Variants in HLCS observed in about 807,000 individuals in gnomAD.
The protein encoded by HLCS is biotin--protein ligase.
Under a neutral mutation model 75.0 loss-of-function variants are expected in HLCS, and 53 were observed. The ratio of observed to expected loss-of-function variants is 0.71; its 90% confidence interval spans 0.57 to 0.89. The LOEUF (loss-of-function observed/expected upper bound fraction) is 0.89, where lower values mean the gene tolerates loss of function less well. Ranked by LOEUF, HLCS falls within the 40% of genes least tolerant of loss-of-function variation. The probability of loss-of-function intolerance (pLI) is 0.00; values close to 1 mark genes in which losing one functional copy is unlikely to be tolerated. For synonymous variants in HLCS, 431 were observed against 428.6 expected (o/e 1.01, Z -0.07); for missense variants, 966 against 1,074.0 (o/e 0.90, Z 1.41).
chr21:36,833,593 T>TAATATATATA (rs68117417), intron 6 of HLCS, among the ~76,000 whole-genome samples: 146 of 140,004 alleles, frequency 1.0e-3, no homozygotes, highest in African/African-American at 2.9e-3. Flanking sequence ...TAAAAAAAAA[T>TAATATATATA]TATATATATA....
At chr21:36,910,840 C>T (rs2065673462) in intron 5 of HLCS, among the ~76,000 whole-genome samples, 1 of 152,304 alleles carries the variant, frequency 6.6e-6, no homozygotes, top group African/African-American at 2.4e-5. Flanking sequence ...CGGCACTGCA[C>T]CCTGGCATGA....
chr21:36,945,207 AGGTTTTTTTTT>A (rs1416554897), intron 2 of HLCS, among the ~76,000 whole-genome samples: 5 of 152,112 alleles, frequency 3.3e-5, no homozygotes, highest in South Asian at 2.1e-4. Context: ...TGGTGACTAC[AGGTTTTTTTTT>A]GGTTTTTTTT....
intron 6 of HLCS, among the ~76,000 whole-genome samples, chr21:36,862,498 T>C (rs188042628): frequency 6.6e-6 from 1 of 152,340 alleles, no homozygotes; most frequent in African/African-American, 2.4e-5. Context: ...TGGTATCTCA[T>C]TGTGGTTTTG....
At chr21:36,781,534 T>C (rs1231027433) in intron 6 of HLCS, among the ~76,000 whole-genome samples, 3 of 152,182 alleles carry the variant, frequency 2.0e-5, no homozygotes, top group Admixed American at 6.5e-5. Context: ...TAACTAGTTA[T>C]TGCTTGTTGT....
intron 6 of HLCS, among the ~76,000 whole-genome samples, chr21:36,829,355 T>C (rs1300496623): frequency 1.3e-5 from 2 of 152,248 alleles, no homozygotes; most frequent in Admixed American, 6.5e-5. Flanking sequence ...ATTCACACTC[T>C]GTTCAGTAGC....
chr21:36,807,790 G>A (rs1221319865), intron 6 of HLCS, among the ~76,000 whole-genome samples: 2 of 152,214 alleles, frequency 1.3e-5, no homozygotes, highest in East Asian at 3.9e-4. Context: ...GTGCCTGAAT[G>A]TTCTCAGGGA....
intron 6 of HLCS, among the ~76,000 whole-genome samples, chr21:36,820,420 C>T (rs964766809): frequency 1.7e-4 from 26 of 152,228 alleles, no homozygotes; most frequent in Admixed American, 8.5e-4. Flanking sequence ...CCAGGAAGCC[C>T]CCCTCCCCCA....
chr21:36,985,490 G>C (rs951316657), intron 1 of HLCS, among the ~76,000 whole-genome samples: 1 of 152,186 alleles, frequency 6.6e-6, no homozygotes, highest in African/African-American at 2.4e-5. Flanking sequence ...AAAATTCGCT[G>C]GGCACGGTGG....
chr21:36,886,814 T>G (rs2064487617), intron 6 of HLCS, among the ~76,000 whole-genome samples: 1 of 152,120 alleles, frequency 6.6e-6, no homozygotes, highest in African/African-American at 2.4e-5. Context: ...ACCCTCTTTC[T>G]GCCATGTGCG....
intron 5 of HLCS, among the ~76,000 whole-genome samples, chr21:36,924,046 AG>A (rs1200923997): frequency 6.6e-6 from 1 of 152,216 alleles, no homozygotes; most frequent in African/African-American, 2.4e-5. Flanking sequence ...AAGCTATTCA[AG>A]GTGCACCTGG....
chr21:36,811,708 T>C (rs1057407254), intron 6 of HLCS, among the ~76,000 whole-genome samples: 30 of 152,182 alleles, frequency 2.0e-4, no homozygotes, highest in African/African-American at 7.2e-4. Context: ...AAGACCTCTT[T>C]CCCATGTAAG....
At chr21:36,827,236 G>A (rs947194549) in intron 6 of HLCS, among the ~76,000 whole-genome samples, 10 of 152,096 alleles carry the variant, frequency 6.6e-5, no homozygotes, top group Non-Finnish European at 1.0e-4. Context: ...GCCATTAGAT[G>A]TTCTTCAGCG....
intron 6 of HLCS, among the ~76,000 whole-genome samples, chr21:36,862,143 T>C (rs2063401275): frequency 6.6e-6 from 1 of 152,258 alleles, no homozygotes; most frequent in South Asian, 2.1e-4. Context: ...TTTTTATGGC[T>C]CAATAATATT....
At chr21:36,870,328 C>G (rs1303534646) in intron 6 of HLCS, among the ~76,000 whole-genome samples, 2 of 152,118 alleles carry the variant, frequency 1.3e-5, no homozygotes, top group Non-Finnish European at 1.5e-5. Flanking sequence ...GAGAATACAC[C>G]TAAGTTCTCC....
intron 6 of HLCS, among the ~76,000 whole-genome samples, chr21:36,835,609 C>G (rs1323399456): frequency 6.6e-6 from 1 of 152,124 alleles, no homozygotes; most frequent in Non-Finnish European, 1.5e-5. Flanking sequence ...TCTCACTGGC[C>G]CAGGCAGGCC....
intron 6 of HLCS, among the ~76,000 whole-genome samples, chr21:36,824,238 C>T (rs1050098311): frequency 6.6e-6 from 1 of 152,210 alleles, no homozygotes; most frequent in African/African-American, 2.4e-5. Flanking sequence ...GGCATATATA[C>T]ACCATGTAAT....
At chr21:36,886,050 C>A (rs1055230873) in intron 6 of HLCS, among the ~76,000 whole-genome samples, 1 of 151,520 alleles carries the variant, frequency 6.6e-6, no homozygotes, top group Non-Finnish European at 1.5e-5. Context: ...CCCAGCTTTT[C>A]TACCATGTTA....
In HLCS at chr21:36,962,072, T is replaced by G. The variant is rs751729789; in HGVS notation, c.294A>C (p.Gln98His). The G allele has an allele frequency of 2.0e-4, 258 of 1,289,498 alleles. No homozygotes were observed. Among genetic ancestry groups the G allele is most frequent in the Non-Finnish European group, 2.4e-4 (242 of 988,710 alleles). The allele number at this position is 1,289,498 out of a possible 1,614,324, so 79.9% of individuals were successfully genotyped here. Residue 98 changes from glutamine (Q) to histidine (H), a missense_variant, in exon 2 of 11, where the codon CAA becomes CAC. By Grantham distance (24) the Gln-to-His change is conservative. Coordinates refer to ENST00000674895, the MANE Select transcript of HLCS (RefSeq NM_001352514.2). The part of the protein sequence containing the change: ...IAFVTESIWV[Q>H]SENLQRSSSS... ...AGGATGATCTCTGTAAATTCTCACT[T>G]TGTACCCAAATGCTCTCCGTCACAA... is the stretch of plus-strand genomic sequence containing the variant.
intron 6 of HLCS, 26 bp downstream of exon 6, chr21:36,896,834 C>G: frequency 6.2e-7 from 1 of 1,613,142 alleles, no homozygotes; most frequent in Non-Finnish European, 8.5e-7. Flanking sequence ...CTCCTCTGAG[C>G]AGATGCAGAC....
Sources: gnomAD v4.1 joint callset for allele counts (sites outside exome capture counted in the v4.1 genomes callset) on GRCh38, gnomAD v4.1.1 for gene constraint, MANE v1.5 for transcripts, NCBI Gene and HGNC (gene_info 2026-07-23, HGNC 2026-07-21) for gene names.